The following FBXW4 variants were observed in gnomAD, a reference collection of about 807,000 sequenced individuals.
FBXW4 encodes the protein F-box/WD repeat-containing protein 4.
A neutral mutation model predicts 61.8 loss-of-function variants in FBXW4; 40 were observed. That is an observed-to-expected ratio of 0.65 (90% confidence interval 0.50 to 0.84). The LOEUF (loss-of-function observed/expected upper bound fraction) is 0.84, where lower values mean the gene tolerates loss of function less well. Among genes scored for constraint, FBXW4 ranks in the 40% least tolerant of loss-of-function variants. FBXW4 has a pLI of 0.00. For missense variants in FBXW4, 672 were observed against 753.8 expected, an observed-to-expected ratio of 0.89 and a Z score of 1.27; for synonymous variants, 311 against 313.8, an observed-to-expected ratio of 0.99 and a Z score of 0.10.
At chr10:101,675,414 T>C (rs949961980) in intron 2 of FBXW4, among the ~76,000 whole-genome samples, 2 of 152,176 alleles carry the variant, frequency 1.3e-5, no homozygotes, top group African/African-American at 4.8e-5. Context: ...GTGTGTTTAT[T>C]TGCCAAACTG....
intron 5 of FBXW4, among the ~76,000 whole-genome samples, chr10:101,629,442 C>A (rs1589747044): frequency 6.6e-6 from 1 of 152,078 alleles, no homozygotes; most frequent in Non-Finnish European, 1.5e-5. Context: ...CACCACCACG[C>A]CTGGCTAATT....
intron 5 of FBXW4, among the ~76,000 whole-genome samples, chr10:101,667,058 C>T (rs1438929210): frequency 2.0e-5 from 3 of 151,748 alleles, no homozygotes; most frequent in African/African-American, 4.8e-5. Flanking sequence ...AGTGAAACTC[C>T]GTCTCTACTA....
chr10:101,695,005 C>G lies in FBXW4; in HGVS notation c.101G>C (p.Gly34Ala). The G allele has an allele frequency of 2.7e-6, 3 of 1,096,476 alleles. No homozygotes were observed. Among genetic ancestry groups the G allele is most frequent in the Non-Finnish European group, 2.2e-6 (2 of 900,602 alleles). 67.9% of individuals were successfully genotyped at this position (1,096,476 alleles called of 1,614,324 possible). Residue 34 changes from glycine to alanine, a missense_variant, in exon 1 of 9, where the codon GGG becomes GCG. Coordinates refer to ENST00000331272, the MANE Select transcript of FBXW4 (RefSeq NM_022039.4). This position sits in a 1 kb window ranked among gnomAD's most constrained non-coding sequence, Gnocchi z 4.2. ...RKLQEGRVAR[G>A]KRRKGKGKGK... ...CTTCCCCTTCCCCTTCCTTCGCTTC[C>G]CCCTCGCCACCCTCCCTTCCTGCAG...
At chr10:101,693,438 C>A (rs1010020235) in intron 1 of FBXW4, among the ~76,000 whole-genome samples, 2 of 152,116 alleles carry the variant, frequency 1.3e-5, no homozygotes, top group African/African-American at 4.8e-5. Flanking sequence ...TATGCGACAG[C>A]CCACAAACAT....
rs779196296 is a variant in FBXW4 at position 101,672,956 on chromosome 10, C to T, written c.1099G>A (p.Gly367Arg). 3.2e-5 allele frequency: 52 copies of T among 1,614,016 alleles called. No homozygotes were observed. Among genetic ancestry groups the T allele is most frequent in the Non-Finnish European group, 4.2e-5 (50 of 1,180,034 alleles). ...EQEVNCVDCK[G>R]GIIVSGSRDR... ...CTGGAGCCACTCACAATGATGCCCC[C>T]TTTGCAATCCACACAGTTCACCTCC... The change falls in exon 4 of 9, where the codon GGG becomes AGG. Residue 367 changes from glycine (G) to arginine (R), a missense_variant. This residue lies in a region of FBXW4 where 312 missense variants were observed against 370.1 expected (regional missense o/e 0.84). Transcript: ENST00000331272.
At position 101,694,678 on chromosome 10, in the gene FBXW4, C is replaced by T. The variant is rs2064656982; in HGVS notation, c.428G>A (p.Gly143Asp). The T allele has an allele frequency of 7.2e-7, 1 of 1,393,322 alleles. No homozygotes were observed. Among genetic ancestry groups the T allele is most frequent in the Non-Finnish European group, 9.2e-7 (1 of 1,083,320 alleles). 86.3% of individuals were successfully genotyped at this position (1,393,322 alleles called of 1,614,324 possible). ...ARPGRAQGRG[G>D]QAWADIAGTG... Reference sequence around the variant, plus strand: ...CCCCGCGATGTCGGCCCAAGCCTGACCCCCTCGTCCCTGTGCTCTTCCCGG... The same window carrying T: ...CCCCGCGATGTCGGCCCAAGCCTGATCCCCTCGTCCCTGTGCTCTTCCCGG... Residue 143 changes from glycine (G) to aspartate (D), a missense_variant, in exon 1 of 9, where the codon GGT (glycine) becomes GAT (aspartate). Transcript: ENST00000331272. The surrounding 1 kb of genome is among the most constrained non-coding windows in gnomAD (Gnocchi z 6.0).
intron 5 of FBXW4, among the ~76,000 whole-genome samples, chr10:101,633,330 T>C (rs2063974146): frequency 6.6e-6 from 1 of 152,162 alleles, no homozygotes; most frequent in Non-Finnish European, 1.5e-5. Context: ...AAACCATCAT[T>C]CTCAGCAAAC....
intron 5 of FBXW4, among the ~76,000 whole-genome samples, chr10:101,634,515 A>G (rs916767057): frequency 3.3e-5 from 5 of 149,582 alleles, no homozygotes; most frequent in African/African-American, 1.2e-4. Flanking sequence ...CCGGATCAAA[A>G]CATACTTTGT....
chr10:101,652,365 G>C (rs572262712), intron 5 of FBXW4, among the ~76,000 whole-genome samples: 6 of 152,182 alleles, frequency 3.9e-5, no homozygotes, highest in South Asian at 4.2e-4. Flanking sequence ...AGTCTCTCTT[G>C]CTTCGCCCTG....
rs2134792757 is a variant in FBXW4 at position 101,611,409 on chromosome 10, G to T, written c.1586C>A (p.Ala529Asp). The part of the protein sequence containing the change: ...WDRRQRACLH[A>D]FPLTSTPLSS... ...GAGGGGAGTCGACGTCAGCGGGAAG[G>T]CCTGGAAGGGAGGGCACAGGAAGTG... The change falls in exon 9 of 9, where the codon GCC becomes GAC. Residue 529 changes from alanine to aspartate, a missense_variant and splice_region_variant. By Grantham distance (126) the Ala-to-Asp change is moderately radical (BLOSUM62 -2). This residue lies in a region of FBXW4 where 312 missense variants were observed against 370.1 expected (regional missense o/e 0.84). Transcript: ENST00000331272. This position sits in a 1 kb window ranked among gnomAD's most constrained non-coding sequence, Gnocchi z 4.9. 1.9e-6 allele frequency: 3 copies of T among 1,613,250 alleles called. No individual in the cohort carries two copies. The highest frequency in any genetic ancestry group is 1.1e-5 in the South Asian group (1 of 90,926).
At chr10:101,680,418 T>C (rs1342726786) in intron 1 of FBXW4, among the ~76,000 whole-genome samples, 2 of 151,936 alleles carry the variant, frequency 1.3e-5, no homozygotes, top group African/African-American at 4.8e-5. Context: ...AGCAACAGAG[T>C]AGGGGAAAAA....
chr10:101,660,234 T>C, intron 5 of FBXW4: 1 of 971,906 alleles, frequency 1.0e-6, no homozygotes, highest in Non-Finnish European at 1.2e-6. Flanking sequence ...CCTCCAAAAC[T>C]CCAGCTCCAG....
At chr10:101,661,712 G>A (rs994593137) in intron 5 of FBXW4, among the ~76,000 whole-genome samples, 2 of 152,248 alleles carry the variant, frequency 1.3e-5, no homozygotes, top group South Asian at 2.1e-4. Context: ...CTACTCTGCA[G>A]TTTCGCAAAG....
intron 5 of FBXW4, among the ~76,000 whole-genome samples, chr10:101,627,530 A>T (rs1589745954): frequency 6.6e-6 from 1 of 151,848 alleles, no homozygotes; most frequent in African/African-American, 2.4e-5. Context: ...CTTGCCCCCC[A>T]CCCCACTCCC....
intron 5 of FBXW4, chr10:101,625,280 T>G (rs1381156118): frequency 5.4e-6 from 1 of 184,234 alleles, no homozygotes; most frequent in East Asian, 1.4e-4. Context: ...TTTTAAGAGC[T>G]GGGGGAATCT....
intron 5 of FBXW4, among the ~76,000 whole-genome samples, chr10:101,649,958 A>G (rs2064133075): frequency 6.6e-6 from 1 of 152,204 alleles, no homozygotes; most frequent in African/African-American, 2.4e-5. Flanking sequence ...TCCTGACTCC[A>G]GGTACTCGAA....
At chr10:101,654,098 C>T (rs897713391) in intron 5 of FBXW4, among the ~76,000 whole-genome samples, 6 of 119,596 alleles carry the variant, frequency 5.0e-5, no homozygotes, top group East Asian at 4.9e-4. Flanking sequence ...TCCAGACCGG[C>T]GACAGAGCGA....
chr10:101,615,241 G>A (rs2063817513), intron 6 of FBXW4, among the ~76,000 whole-genome samples: 1 of 152,094 alleles, frequency 6.6e-6, no homozygotes, highest in Non-Finnish European at 1.5e-5. Flanking sequence ...GAACAGGGCT[G>A]CTGCTCAGAG....
At chr10:101,689,194 G>A (rs1164926915) in intron 1 of FBXW4, among the ~76,000 whole-genome samples, 2 of 151,810 alleles carry the variant, frequency 1.3e-5, no homozygotes, top group South Asian at 2.1e-4. Flanking sequence ...ATTCCAGTAT[G>A]AACTCATACT....
Sources: gnomAD v4.1 joint callset for allele counts (sites outside exome capture counted in the v4.1 genomes callset) on GRCh38, gnomAD v4.1.1 for gene constraint, gnomAD v4.1.1 regional missense constraint, Gnocchi (gnomAD v3.1) non-coding constraint, MANE v1.5 for transcripts, NCBI Gene and HGNC (gene_info 2026-07-23, HGNC 2026-07-21) for gene names.